Variants in TEK observed in about 807,000 individuals in gnomAD.
TEK encodes angiopoietin-1 receptor.
A neutral mutation model predicts 131.8 loss-of-function variants in TEK; 43 were observed. The ratio of observed to expected loss-of-function variants is 0.33; its 90% CI spans 0.26 to 0.42. The LOEUF is 0.42. TEK is among the 10% of genes least tolerant of loss of function. The probability of loss-of-function intolerance (pLI) is 1.00; values close to 1 mark genes in which losing one functional copy is unlikely to be tolerated. For synonymous variants in TEK, 580 were observed against 491.6 expected (o/e 1.18, Z -2.38); for missense variants, 1,162 against 1,384.4 (o/e 0.84, Z 2.55).
chr9:27,165,664 C>T (rs1240139824), intron 2 of TEK, among the ~76,000 whole-genome samples: 1 of 152,194 alleles, frequency 6.6e-6, no homozygotes, highest in Non-Finnish European at 1.5e-5. Context: ...TTTTCAATTA[C>T]ACATGAGAAA....
chr9:27,158,768 T>G (rs1165061254), intron 2 of TEK, among the ~76,000 whole-genome samples: 4 of 152,002 alleles, frequency 2.6e-5, no homozygotes, highest in Non-Finnish European at 5.9e-5. Context: ...CAAGCGATTC[T>G]TCTGCCTCAG....
intron 1 of TEK, among the ~76,000 whole-genome samples, chr9:27,155,018 G>T (rs716676): frequency 0.2 from 30,348 of 152,230 alleles, 3,348 homozygotes; most frequent in Admixed American, 0.24. Flanking sequence ...GCCACCGCTG[G>T]GAGCTCAGAG....
chr9:27,116,747 C>T (rs1288789845), intron 1 of TEK, among the ~76,000 whole-genome samples: 1 of 151,980 alleles, frequency 6.6e-6, no homozygotes, highest in Non-Finnish European at 1.5e-5. Flanking sequence ...GAGCAGATAC[C>T]CAAAAATTTG....
intron 1 of TEK, among the ~76,000 whole-genome samples, chr9:27,133,692 T>A (rs558717690): frequency 3.5e-4 from 54 of 152,348 alleles, no homozygotes; most frequent in African/African-American, 1.2e-3. Context: ...AGGAGATGCC[T>A]GTGGGACTGT....
At chr9:27,218,674 TCTC>T (rs1825922700) in intron 19 of TEK, 100 bp from the exon 20 acceptor site, 2 of 1,183,650 alleles carry the variant, frequency 1.7e-6, no homozygotes, top group African/African-American at 3.0e-5. Flanking sequence ...ACATTTAACA[TCTC>T]CTTTTCTCAG....
At chr9:27,203,185 G>A (rs1363511060) in intron 13 of TEK, 66 bp downstream of exon 13, 7 of 1,562,796 alleles carry the variant, frequency 4.5e-6, no homozygotes, top group African/African-American at 4.1e-5. Flanking sequence ...TGGTTTATCA[G>A]GACAGGCCTG....
rs1207956745 is a variant in TEK at position 27,228,243 on chromosome 9, T to C, written c.3238T>C (p.Tyr1080His). Residue 1080 changes from tyrosine to histidine, a missense_variant, in exon 22 of 23, where the codon TAT (tyrosine) becomes CAT (histidine). Coordinates refer to ENST00000380036, the MANE Select transcript of TEK (RefSeq NM_000459.5). ...LMRQCWREKP[Y>H]ERPSFAQILV... ...GAGACAATGCTGGCGGGAGAAGCCT[T>C]ATGAGAGGCCATCATTTGCCCAGAT... 3 of 1,612,984 alleles carry C rather than the reference T, an allele frequency of 1.9e-6. No homozygotes were observed. The South Asian group carries it at 3.3e-5, about 18-fold the overall frequency.
intron 3 of TEK, 21 bp downstream of exon 3, chr9:27,168,626 T>C: frequency 1.3e-6 from 2 of 1,496,590 alleles, no homozygotes; most frequent in Middle Eastern, 1.8e-4. Flanking sequence ...GTTTCATTGC[T>C]TTCCCCAGTA....
rs775578346 is a variant in TEK, at chr9:27,173,248, A to G, written c.787A>G (p.Thr263Ala). 2 of 1,614,062 alleles carry G rather than the reference A, an allele frequency of 1.2e-6. No individual in the cohort carries two copies. The highest frequency in any genetic ancestry group is 1.7e-6 in the Non-Finnish European group (2 of 1,179,936). Residue 263 changes from threonine to alanine, a missense_variant, in exon 6 of 23, where the codon ACT (threonine) becomes GCT (alanine). Transcript: ENST00000380036. ...KACELHTFGR[T>A]CKERCSGQEG... ...TTGTGAACTGCACACGTTTGGCAGAACTTGTAAAGAAAGGTGCAGTGGACA... is the reference window on the plus strand; with the variant it reads ...TTGTGAACTGCACACGTTTGGCAGAGCTTGTAAAGAAAGGTGCAGTGGACA...
rs45505400 is a variant in TEK at position 27,212,858 on chromosome 9, C to T, written c.2838C>T (p.Ala946=). 0.01 allele frequency: 16,454 copies of T among 1,614,058 alleles called. 109 individuals carry two copies. The highest frequency in any genetic ancestry group is 0.013 in the Non-Finnish European group (14,883 of 1,180,000). ...LSSQQLLHFA[A]DVARGMDYLS... ...CCCAGCAGCTCCTTCACTTCGCTGC[C>T]GACGTGGCCCGGGGCATGGACTACT... is the stretch of plus-strand genomic sequence containing the variant. Residue 946 remains alanine (A), a synonymous_variant, in exon 17 of 23, where the codon GCC becomes GCT. Transcript: ENST00000380036.
chr9:27,170,566 A>T (rs1022020352), intron 4 of TEK, among the ~76,000 whole-genome samples: 8 of 152,150 alleles, frequency 5.3e-5, no homozygotes, highest in African/African-American at 1.9e-4. Context: ...TCGAGGCTGC[A>T]GTGGGCCAGG....
intron 10 of TEK, among the ~76,000 whole-genome samples, chr9:27,191,236 G>A (rs1172494497): frequency 6.6e-6 from 1 of 152,042 alleles, no homozygotes; most frequent in African/African-American, 2.4e-5. Flanking sequence ...TGGGCTCGGG[G>A]GAGGACAAGG....
Position 27,205,073 on chromosome 9 carries a change from C to T in TEK, c.2364+8C>T. 1 of 1,613,856 alleles carries T rather than the reference C, an allele frequency of 6.2e-7. No individual in the cohort carries two copies. The highest frequency in any genetic ancestry group is 8.5e-7 in the Non-Finnish European group (1 of 1,179,812). Reference sequence around the variant, plus strand: ...CAAGCCTTCCAAAACGTGGTAGTGTCTCATCTTCCTACTAGCTAATAAGGG... The same window carrying T: ...CAAGCCTTCCAAAACGTGGTAGTGTTTCATCTTCCTACTAGCTAATAAGGG... On this transcript the variant is annotated splice_region_variant and intron_variant, in intron 14 of 22. Transcript: ENST00000380036.
Position 27,195,814 on chromosome 9 carries a change from A to G in TEK, c.1625-1501A>G, listed in dbSNP as rs1824985130. The G allele has an allele frequency of 1.5e-4, 61 of 418,370 alleles. 3 individuals are homozygous for G. The highest frequency in any genetic ancestry group is 1.1e-3 in the South Asian group (60 of 57,138). The allele number at this position is 418,370 out of a possible 1,614,324, so 25.9% of individuals were successfully genotyped here. A position where few individuals can be genotyped will look rare whatever the true frequency, so the allele number is the denominator to read the frequency against. On this transcript the variant is annotated intron_variant, in intron 11 of 22. Transcript: ENST00000380036. ...AAGATGGATATTTTAATTTTATTTT[A>G]CAGGTGAACTTGGAGAGATTATGAA... is the stretch of plus-strand genomic sequence containing the variant.
intron 11 of TEK, among the ~76,000 whole-genome samples, chr9:27,194,896 A>G (rs1824951623): frequency 6.6e-6 from 1 of 152,110 alleles, no homozygotes; most frequent in Admixed American, 6.6e-5. Flanking sequence ...GGAAGAGAAC[A>G]CTTTCTGAAC....
At chr9:27,181,679 A>C (rs916835115) in intron 7 of TEK, among the ~76,000 whole-genome samples, 7 of 152,162 alleles carry the variant, frequency 4.6e-5, no homozygotes, top group Non-Finnish European at 8.8e-5. Flanking sequence ...CTGCTTTTGT[A>C]CTACAAGGGC....
intron 1 of TEK, among the ~76,000 whole-genome samples, chr9:27,122,782 A>C (rs1421881554): frequency 6.6e-6 from 1 of 152,058 alleles, no homozygotes; most frequent in African/African-American, 2.4e-5. Flanking sequence ...GGCCGGGCAC[A>C]GTGGCTCACG....
At chr9:27,168,749 T>A (rs990667519) in intron 3 of TEK, 144 bp downstream of exon 3, 6 of 708,796 alleles carry the variant, frequency 8.5e-6, no homozygotes, top group South Asian at 1.6e-5. Flanking sequence ...ATTCTGTGTA[T>A]GATAGAAGCC....
intron 11 of TEK, among the ~76,000 whole-genome samples, chr9:27,195,965 G>A (rs1273025466): frequency 1.3e-5 from 2 of 152,176 alleles, no homozygotes; most frequent in African/African-American, 4.8e-5. Context: ...CAGGCATCAC[G>A]TAGTCATAGC....
Sources: gnomAD v4.1 joint callset for allele counts (sites outside exome capture counted in the v4.1 genomes callset) on GRCh38, gnomAD v4.1.1 for gene constraint, MANE v1.5 for transcripts, NCBI Gene and HGNC (gene_info 2026-07-23, HGNC 2026-07-21) for gene names.